The following FAM81A variants were observed in gnomAD, a reference collection of about 807,000 sequenced individuals.
FAM81A encodes family with sequence similarity 81 member A.
In FAM81A, 19 loss-of-function variants were observed where a neutral mutation model predicts 46.7. That is an observed-to-expected ratio of 0.41 (90% CI 0.28 to 0.60). The LOEUF is 0.60. FAM81A is among the 20% of genes least tolerant of loss of function. FAM81A has a pLI of 0.34. For missense variants in FAM81A, 377 were observed against 453.5 expected (o/e 0.83, Z 1.53); for synonymous variants, 183 against 152.9 (o/e 1.20, Z -1.45).
At chr15:59,430,990 G>A (rs2081217334) in intron 2 of FAM81A, among the ~76,000 whole-genome samples, 1 of 152,126 alleles carries the variant, frequency 6.6e-6, no homozygotes. Context: ...AAATGTGTAT[G>A]TTAAACATAA....
chr15:59,471,504 C>A (rs2081689521), intron 3 of FAM81A, among the ~76,000 whole-genome samples: 1 of 151,852 alleles, frequency 6.6e-6, no homozygotes, highest in African/African-American at 2.4e-5. Context: ...CCTCTGTTAC[C>A]CAGGCTGGAG....
chr15:59,479,519 G>GAAAAAAAAAAAAAAAAAAAAAAAAAAAA (rs57107735), intron 3 of FAM81A, among the ~76,000 whole-genome samples: 3 of 72,678 alleles, frequency 4.1e-5, no homozygotes, highest in Non-Finnish European at 4.9e-5. Context: ...TCAAAAATAA[G>GAAAAAAAAAAAAAAAAAAAAAAAAAAAA]AAAAAAAAAA....
chr15:59,459,297 C>T (rs2081521423), intron 2 of FAM81A, among the ~76,000 whole-genome samples: 1 of 152,108 alleles, frequency 6.6e-6, no homozygotes, highest in South Asian at 2.1e-4. Flanking sequence ...ACTGTGCTGG[C>T]CTTAAATACT....
intron 2 of FAM81A, among the ~76,000 whole-genome samples, chr15:59,415,192 C>G (rs1285091749): frequency 6.6e-6 from 1 of 150,710 alleles, no homozygotes; most frequent in Non-Finnish European, 1.5e-5. Context: ...GATCTCGGCT[C>G]ACTGCAACCT....
chr15:59,491,297 A>AC (rs1184863236), intron 3 of FAM81A, among the ~76,000 whole-genome samples: 1 of 152,190 alleles, frequency 6.6e-6, no homozygotes, highest in Non-Finnish European at 1.5e-5. Context: ...ATGTTAAGTG[A>AC]AATGAAATAA....
chr15:59,436,694 A>T (rs931585816), upstream of FAM81A, among the ~76,000 whole-genome samples: 2 of 152,180 alleles, frequency 1.3e-5, no homozygotes, highest in Admixed American at 6.5e-5. Flanking sequence ...ATGACATAGG[A>T]TCCAATTCAA....
chr15:59,416,682 G>A (rs1293291964), intron 2 of FAM81A, among the ~76,000 whole-genome samples: 2 of 151,868 alleles, frequency 1.3e-5, no homozygotes, highest in East Asian at 1.9e-4. Flanking sequence ...CCACACATAC[G>A]ACAAAGATAA....
chr15:59,494,521 T>C (rs145937735), intron 4 of FAM81A, among the ~76,000 whole-genome samples: 59 of 152,344 alleles, frequency 3.9e-4, no homozygotes, highest in African/African-American at 1.3e-3. Context: ...AATCTTATAT[T>C]CTTCAGTTTC....
intron 7 of FAM81A, among the ~76,000 whole-genome samples, chr15:59,514,839 T>A (rs1000811753): frequency 2.0e-5 from 3 of 152,254 alleles, no homozygotes; most frequent in African/African-American, 7.2e-5. Context: ...ACATGTGAGA[T>A]ACCACAGTGC....
intron 8 of FAM81A, among the ~76,000 whole-genome samples, chr15:59,519,976 G>A (rs1442299528): frequency 6.6e-6 from 1 of 152,096 alleles, no homozygotes; most frequent in Non-Finnish European, 1.5e-5. Flanking sequence ...AATTTCTTTA[G>A]TAACCTCTAT....
At chr15:59,456,104 G>T (rs943986978) in intron 1 of FAM81A, among the ~76,000 whole-genome samples, 4 of 152,188 alleles carry the variant, frequency 2.6e-5, no homozygotes, top group South Asian at 4.1e-4. Context: ...AACAGATAAA[G>T]AGCTGGAGAA....
At chr15:59,418,527 G>A (rs1249500291) in intron 2 of FAM81A, among the ~76,000 whole-genome samples, 3 of 152,164 alleles carry the variant, frequency 2.0e-5, no homozygotes, top group African/African-American at 7.2e-5. Context: ...TCAATAGCTC[G>A]ATCCAGGTTA....
chr15:59,476,953 C>G (rs1449669751), intron 3 of FAM81A, among the ~76,000 whole-genome samples: 3 of 151,042 alleles, frequency 2.0e-5, no homozygotes, highest in African/African-American at 7.3e-5. Flanking sequence ...AACCCCATCT[C>G]TACTAAAAAT....
chr15:59,500,449 C>G (rs1200036934), intron 4 of FAM81A, among the ~76,000 whole-genome samples: 6 of 151,864 alleles, frequency 4.0e-5, no homozygotes, highest in African/African-American at 1.5e-4. Context: ...AGGCATGCAT[C>G]ACCATGCCCA....
intron 2 of FAM81A, among the ~76,000 whole-genome samples, chr15:59,414,986 T>C (rs2081139800): frequency 1.3e-5 from 2 of 151,538 alleles, no homozygotes; most frequent in African/African-American, 4.9e-5. Context: ...TGGCTAATTT[T>C]TTTGTATTTT....
intron 2 of FAM81A, 128 bp from the exon 3 acceptor site, chr15:59,459,805 C>G (rs2081528794): frequency 6.0e-6 from 8 of 1,328,700 alleles, no homozygotes; most frequent in Non-Finnish European, 8.0e-6. Context: ...GGCAGAAATC[C>G]TGCCTCAAAC....
chr15:59,455,253 C>T (rs1218632869), intron 1 of FAM81A, among the ~76,000 whole-genome samples: 1 of 151,970 alleles, frequency 6.6e-6, no homozygotes. Flanking sequence ...ACCTACCTGT[C>T]CCTTCCCCCA....
chr15:59,459,542 T>A (rs1445029304), intron 2 of FAM81A, among the ~76,000 whole-genome samples: 22 of 152,174 alleles, frequency 1.4e-4, no homozygotes, highest in African/African-American at 4.3e-4. Context: ...CTCATTTATG[T>A]CGCCTGCCTG....
In FAM81A at chr15:59,417,742, TA is replaced by T. The variant is rs565540342; in HGVS notation, c.-78+15389del. 2.1e-3 allele frequency among the ~76,000 whole-genome samples: 314 copies of T among 152,134 alleles called. 1 individual carries two copies. Among genetic ancestry groups the T allele is most frequent in the African/African-American group, 7.3e-3 (302 of 41,526 alleles). ...AAATAAATACATAAATAAATAAAAATAAAAAGATTTTTTTTGCTTGATTATC... is the reference window on the plus strand; with the variant it reads ...AAATAAATACATAAATAAATAAAAATAAAAGATTTTTTTTGCTTGATTATC... On this transcript the variant is annotated intron_variant, in intron 2 of 4. Coordinates refer to the FAM81A transcript ENST00000558348.
Sources: gnomAD v4.1 joint callset for allele counts (sites outside exome capture counted in the v4.1 genomes callset) on GRCh38, gnomAD v4.1.1 for gene constraint, MANE v1.5 for transcripts, NCBI Gene and HGNC (gene_info 2026-07-23, HGNC 2026-07-21) for gene names.